JAKMIP1: variants seen among roughly 807,000 people sequenced by gnomAD.
JAKMIP1 encodes janus kinase and microtubule-interacting protein 1.
Under a neutral mutation model 113.0 loss-of-function variants are expected in JAKMIP1, and 33 were observed. The observed-to-expected ratio is 0.29, with a 90% CI of 0.22 to 0.39. The LOEUF (loss-of-function observed/expected upper bound fraction) is 0.39. Among genes scored for constraint, JAKMIP1 ranks in the 10% least tolerant of loss-of-function variants. The pLI is 1.00. For synonymous variants in JAKMIP1, 480 were observed against 459.9 expected (o/e 1.04, Z -0.56); for missense variants, 813 against 1,080.5 (o/e 0.75, Z 3.47).
chr4:6,032,046 G>A (rs1712751362), intron 19 of JAKMIP1, among the ~76,000 whole-genome samples: 1 of 152,158 alleles, frequency 6.6e-6, no homozygotes, highest in Admixed American at 6.5e-5. Flanking sequence ...GAGTAAGCAG[G>A]GCATGTGGCC....
intron 1 of JAKMIP1, among the ~76,000 whole-genome samples, chr4:6,133,608 G>A (rs1038169692): frequency 5.9e-5 from 9 of 152,182 alleles, no homozygotes; most frequent in African/African-American, 1.2e-4. Context: ...GGCAGGGGGC[G>A]CATGGAGGGA....
At position 6,158,344 on chromosome 4, in the gene JAKMIP1, C is replaced by CA. The variant is rs1334300496; in HGVS notation, c.-148+41908dup. Among the ~76,000 whole-genome samples the CA allele has an allele frequency of 6.6e-5, 10 of 152,186 alleles. No homozygotes were observed. Among genetic ancestry groups the CA allele is most frequent in the Non-Finnish European group, 1.5e-5 (1 of 68,028 alleles). On this transcript the variant is annotated intron_variant, in intron 1 of 20. Coordinates refer to ENST00000409021, the MANE Select transcript of JAKMIP1 (RefSeq NM_001099433.2). This position sits in a 1 kb window ranked among gnomAD's most constrained non-coding sequence, Gnocchi z 5.3. ...GTGGGATGGGGTGGTGTCTGCCTCC[C>CA]AGTCTGTATCCATGTAGGAATCTCA...
Position 6,178,968 on chromosome 4 carries a change from C to G in JAKMIP1, c.-148+21285G>C, listed in dbSNP as rs1017206089. ...GGTCATTCATTTATGAATTGTTTCT[C>G]TGGAATGTCTTCAGAATGGATTGCC... On this transcript the variant is annotated intron_variant, in intron 1 of 20. Coordinates refer to ENST00000409021, the MANE Select transcript of JAKMIP1 (RefSeq NM_001099433.2). The surrounding 1 kb of genome is among the most constrained non-coding windows in gnomAD (Gnocchi z 5.5). Among the ~76,000 whole-genome samples, 1 of 152,198 alleles carries G rather than the reference C, an allele frequency of 6.6e-6. No homozygotes were observed. Among genetic ancestry groups the G allele is most frequent in the African/African-American group, 2.4e-5 (1 of 41,440 alleles).
chr4:6,036,249 C>T lies in JAKMIP1; in HGVS notation c.2176-142G>A, dbSNP rs1713417417. On this transcript the variant is annotated intron_variant, in intron 18 of 20. Transcript: ENST00000409021. ...CAACTGGCAGGGGCCAAGCACAGGG[C>T]CAGCAGTGCCCGGGGGAGCAGGCTG... The T allele has an allele frequency of 1.7e-5, 11 of 644,536 alleles. No homozygotes were observed. In the South Asian group the frequency reaches 2.2e-4, roughly 13 times the overall value. 39.9% of individuals were successfully genotyped at this position (644,536 alleles called of 1,614,324 possible).
At chr4:6,074,658 TAC>T (rs1272784356) in intron 8 of JAKMIP1, among the ~76,000 whole-genome samples, 3 of 152,220 alleles carry the variant, frequency 2.0e-5, no homozygotes, top group African/African-American at 7.2e-5. Flanking sequence ...CATCCTCTTG[TAC>T]ACTTTAACTA....
At chr4:6,045,066 C>G (rs148669894) in intron 16 of JAKMIP1, among the ~76,000 whole-genome samples, 2,914 of 152,350 alleles carry the variant, frequency 0.019, 30 homozygotes, top group Non-Finnish European at 0.032. Flanking sequence ...AGGTGCAGAG[C>G]CTGGATCCCC....
intron 2 of JAKMIP1, among the ~76,000 whole-genome samples, chr4:6,111,724 C>T (rs1714964945): frequency 6.6e-6 from 1 of 152,158 alleles, no homozygotes; most frequent in African/African-American, 2.4e-5. Flanking sequence ...AATTAGACTG[C>T]CAGCACCCAA....
In JAKMIP1 at chr4:6,176,650, A is replaced by G. The variant is rs1417597618; in HGVS notation, c.-148+23603T>C. Among the ~76,000 whole-genome samples, 2 of 152,144 alleles carry G rather than the reference A, an allele frequency of 1.3e-5. No homozygotes were observed. Among genetic ancestry groups the G allele is most frequent in the Non-Finnish European group, 2.9e-5 (2 of 68,008 alleles). ...GGAAACTGAGGCTTGCAGTGGTAGA[A>G]TGACTCACCCAAGGTTCCACTGAAC... is the stretch of plus-strand genomic sequence containing the variant. On this transcript the variant is annotated intron_variant, in intron 1 of 20. Coordinates refer to ENST00000409021, the MANE Select transcript of JAKMIP1 (RefSeq NM_001099433.2). This position sits in a 1 kb window ranked among gnomAD's most constrained non-coding sequence, Gnocchi z 5.5.
rs1210673331 is a variant in JAKMIP1 at position 6,157,892 on chromosome 4, G to A, written c.-148+42361C>T. ...TATTTCCTTTCCTTGGGCTCTGTTA[G>A]AACCAAGGGTGTCTTGCTTTGCATC... On this transcript the variant is annotated intron_variant, in intron 1 of 20. Transcript: ENST00000409021. This position sits in a 1 kb window ranked among gnomAD's most constrained non-coding sequence, Gnocchi z 4.7. 1.3e-5 allele frequency among the ~76,000 whole-genome samples: 2 copies of A among 152,210 alleles called. No homozygotes were observed. Among genetic ancestry groups the A allele is most frequent in the Non-Finnish European group, 2.9e-5 (2 of 68,028 alleles).
rs1476067703 is a variant in JAKMIP1 at position 6,040,320 on chromosome 4, C to A, written c.2175+319G>T. Among the ~76,000 whole-genome samples the A allele has an allele frequency of 6.6e-6, 1 of 152,164 alleles. No individual in the cohort carries two copies. Among genetic ancestry groups the A allele is most frequent in the African/African-American group, 2.4e-5 (1 of 41,436 alleles). The stretch of plus-strand genomic sequence containing the variant: ...ATTTATAGGAAAACTTGCTTTGGGA[C>A]TTTAAGTCTAAATATTTAAGTAAAA... On this transcript the variant is annotated intron_variant, in intron 18 of 20. Transcript: ENST00000409021. This position sits in a 1 kb window ranked among gnomAD's most constrained non-coding sequence, Gnocchi z 5.8.
intron 16 of JAKMIP1, among the ~76,000 whole-genome samples, chr4:6,043,387 C>T (rs1461634114): frequency 6.6e-6 from 1 of 152,034 alleles, no homozygotes; most frequent in Non-Finnish European, 1.5e-5. Flanking sequence ...CCAGGTCACC[C>T]CGCACTCGTG....
intron 1 of JAKMIP1, among the ~76,000 whole-genome samples, chr4:6,117,923 G>T (rs1052003580): frequency 4.6e-5 from 7 of 152,306 alleles, no homozygotes; most frequent in Non-Finnish European, 8.8e-5. Context: ...CTGTTATCCT[G>T]TTCTTTTTTC....
chr4:6,133,761 G>A (rs1339436765), intron 1 of JAKMIP1, among the ~76,000 whole-genome samples: 1 of 152,202 alleles, frequency 6.6e-6, no homozygotes, highest in Admixed American at 6.5e-5. Flanking sequence ...CACAGTTCCT[G>A]ACATTTCCCA....
chr4:6,126,751 CACACA>C (rs1717723037), intron 1 of JAKMIP1, among the ~76,000 whole-genome samples: 1 of 151,236 alleles, frequency 6.6e-6, no homozygotes, highest in Non-Finnish European at 1.5e-5. Flanking sequence ...CAGGCAGAAA[CACACA>C]ACACATGCGC....
At chr4:6,055,735 G>C (rs1041296470) in intron 12 of JAKMIP1, among the ~76,000 whole-genome samples, 1 of 151,378 alleles carries the variant, frequency 6.6e-6, no homozygotes, top group Non-Finnish European at 1.5e-5. Context: ...CCAGAGGTCG[G>C]GCCAGCCCTC....
At position 6,184,375 on chromosome 4, in the gene JAKMIP1, G is replaced by C. The variant is rs968500439; in HGVS notation, c.-148+15878C>G. Among the ~76,000 whole-genome samples the C allele has an allele frequency of 6.6e-6, 1 of 152,184 alleles. No homozygotes were observed. Among genetic ancestry groups the C allele is most frequent in the Non-Finnish European group, 1.5e-5 (1 of 68,032 alleles). ...CACGCCTCCCTACTCCCAGCCCACT[G>C]CTGGTTTTCAGACTCTGCCGCCTTC... On this transcript the variant is annotated intron_variant, in intron 1 of 20. Coordinates refer to ENST00000409021, the MANE Select transcript of JAKMIP1 (RefSeq NM_001099433.2). This position sits in a 1 kb window ranked among gnomAD's most constrained non-coding sequence, Gnocchi z 4.5.
At chr4:6,161,307 A>C (rs73075461) in intron 1 of JAKMIP1, among the ~76,000 whole-genome samples, 12 of 143,784 alleles carry the variant, frequency 8.3e-5, no homozygotes, top group African/African-American at 2.9e-4. Context: ...ACCTCCACTG[A>C]CTTCTATGGC....
chr4:6,152,207 T>G (rs369548186), intron 1 of JAKMIP1, among the ~76,000 whole-genome samples: 1 of 152,118 alleles, frequency 6.6e-6, no homozygotes, highest in East Asian at 1.9e-4. Context: ...GGAATAAAAC[T>G]ATCTAACCAG....
chr4:6,117,522 C>A (rs371781143), intron 1 of JAKMIP1, among the ~76,000 whole-genome samples: 1 of 151,942 alleles, frequency 6.6e-6, no homozygotes, highest in Non-Finnish European at 1.5e-5. Context: ...GGACCAGGAC[C>A]GAAGTGAAAT....
Sources: allele counts gnomAD v4.1 joint callset (sites outside exome capture counted in the v4.1 genomes callset), GRCh38; gene constraint gnomAD v4.1.1; non-coding constraint Gnocchi (gnomAD v3.1); transcripts MANE v1.5; gene names NCBI Gene and HGNC (gene_info 2026-07-23, HGNC 2026-07-21).